Variants in CYP39A1 observed in about 807,000 individuals in gnomAD.
CYP39A1 encodes the protein 24-hydroxycholesterol 7-alpha-hydroxylase.
CYP39A1 carries 49 observed loss-of-function variants against 58.1 expected under a neutral mutation model. The observed-to-expected ratio is 0.84, with a 90% CI of 0.67 to 1.07. The LOEUF is 1.07. Ranked by LOEUF, CYP39A1 falls within the 50% of genes least tolerant of loss-of-function variation. The pLI, the probability that CYP39A1 is intolerant of heterozygous loss-of-function variation, is 0.00. For missense variants in CYP39A1, 531 were observed against 539.4 expected, an observed-to-expected ratio of 0.98 and a Z score of 0.16; for synonymous variants, 209 against 187.6, an observed-to-expected ratio of 1.11 and a Z score of -0.93.
At chr6:46,628,506 A>G (rs776092708) in intron 6 of CYP39A1, among the ~76,000 whole-genome samples, 1 of 152,256 alleles carries the variant, frequency 6.6e-6, no homozygotes, top group Non-Finnish European at 1.5e-5. Context: ...CTTGGAACTT[A>G]GAAATGGTTT....
At chr6:46,573,711 G>A (rs952096562) in intron 10 of CYP39A1, among the ~76,000 whole-genome samples, 1 of 152,136 alleles carries the variant, frequency 6.6e-6, no homozygotes, top group African/African-American at 2.4e-5. Context: ...GCTCAGGAGT[G>A]TATAGAACAT....
At chr6:46,596,766 A>G (rs1371175271) in intron 7 of CYP39A1, among the ~76,000 whole-genome samples, 1 of 152,150 alleles carries the variant, frequency 6.6e-6, no homozygotes, top group Non-Finnish European at 1.5e-5. Context: ...GAAGGGCATC[A>G]ACCATCAACC....
chr6:46,590,606 A>T (rs1363254205), intron 8 of CYP39A1, among the ~76,000 whole-genome samples: 1 of 152,188 alleles, frequency 6.6e-6, no homozygotes, highest in Non-Finnish European at 1.5e-5. Flanking sequence ...TATGATAAAA[A>T]CTTATCTCTA....
At chr6:46,634,327 T>G (rs1264301184) in intron 5 of CYP39A1, among the ~76,000 whole-genome samples, 1 of 152,198 alleles carries the variant, frequency 6.6e-6, no homozygotes, top group African/African-American at 2.4e-5. Context: ...CCCAGCCATG[T>G]GGAACCATTA....
chr6:46,574,374 G>C (rs1226963892), intron 10 of CYP39A1, among the ~76,000 whole-genome samples: 2 of 152,182 alleles, frequency 1.3e-5, no homozygotes, highest in Non-Finnish European at 2.9e-5. Flanking sequence ...GATTGTCTTA[G>C]GGAAGTGTTC....
intron 1 of CYP39A1, among the ~76,000 whole-genome samples, chr6:46,650,913 A>G (rs1211066630): frequency 2.0e-5 from 3 of 152,158 alleles, no homozygotes; most frequent in African/African-American, 7.2e-5. Flanking sequence ...AAAAATTATC[A>G]AGATCATATG....
At chr6:46,640,554 T>G (rs2082574122) in intron 2 of CYP39A1, among the ~76,000 whole-genome samples, 1 of 152,216 alleles carries the variant, frequency 6.6e-6, no homozygotes, top group Non-Finnish European at 1.5e-5. Flanking sequence ...TTTACTCATT[T>G]CTTTATATTT....
At chr6:46,570,132 C>G (rs143636579) in intron 10 of CYP39A1, among the ~76,000 whole-genome samples, 13 of 152,084 alleles carry the variant, frequency 8.5e-5, no homozygotes, top group African/African-American at 2.9e-4. Flanking sequence ...GGTTATCTAA[C>G]TGGTTTTATT....
chr6:46,641,814 C>T (rs73738811), intron 2 of CYP39A1, among the ~76,000 whole-genome samples: 167 of 152,306 alleles, frequency 1.1e-3, no homozygotes, highest in African/African-American at 3.8e-3. Context: ...AGTCCAAGAG[C>T]TGTACCCTGT....
intron 7 of CYP39A1, among the ~76,000 whole-genome samples, chr6:46,598,431 T>A (rs1297871190): frequency 1.3e-5 from 2 of 152,164 alleles, no homozygotes; most frequent in African/African-American, 4.8e-5. Context: ...CATGGCATAA[T>A]CTATGAGTAG....
rs1225259477 is a variant in CYP39A1, at chr6:46,639,425, A to G, written c.488+69T>C. 1.2e-5 allele frequency: 17 copies of G among 1,445,240 alleles called. No individual in the cohort carries two copies. The Admixed American group carries it at 1.5e-4, about 13-fold the overall frequency. The allele number at this position is 1,445,240 out of a possible 1,614,324, so 89.5% of individuals were successfully genotyped here. ...TCAACCTGACAATGTTTGAAGTCCA[A>G]TCTATAGGTTTCAATTTTTTTATTT... On this transcript the variant is annotated intron_variant, in intron 3 of 11. Coordinates refer to ENST00000275016, the MANE Select transcript of CYP39A1 (RefSeq NM_016593.5).
chr6:46,581,083 C>A (rs113722434), intron 10 of CYP39A1, among the ~76,000 whole-genome samples: 3,576 of 152,242 alleles, frequency 0.023, 69 homozygotes, highest in Non-Finnish European at 0.036. Flanking sequence ...ATGAAATCAA[C>A]CTAGATGCCC....
chr6:46,628,388 G>T (rs1775446737), intron 6 of CYP39A1, among the ~76,000 whole-genome samples: 1 of 150,810 alleles, frequency 6.6e-6, no homozygotes, highest in African/African-American at 2.5e-5. Flanking sequence ...GCTACTGAAA[G>T]TATTTAGAAA....
intron 8 of CYP39A1, among the ~76,000 whole-genome samples, chr6:46,589,851 C>T (rs945596470): frequency 2.0e-5 from 3 of 152,050 alleles, no homozygotes; most frequent in Non-Finnish European, 2.9e-5. Context: ...CCCTTCCCAC[C>T]GCAAAGTCCT....
intron 10 of CYP39A1, among the ~76,000 whole-genome samples, chr6:46,561,130 GT>G (rs1333608214): frequency 1.3e-5 from 2 of 152,160 alleles, no homozygotes; most frequent in African/African-American, 4.8e-5. Flanking sequence ...TTAGGAAGTA[GT>G]GACTTCCTAG....
chr6:46,641,199 T>C (rs772986304), intron 2 of CYP39A1, among the ~76,000 whole-genome samples: 1 of 152,106 alleles, frequency 6.6e-6, no homozygotes, highest in Non-Finnish European at 1.5e-5. Flanking sequence ...GGTAACTTAG[T>C]AAATTTTTCT....
At chr6:46,641,594 T>C (rs75337268) in intron 2 of CYP39A1, among the ~76,000 whole-genome samples, 1,728 of 152,166 alleles carry the variant, frequency 0.011, 36 homozygotes, top group African/African-American at 0.039. Context: ...GTACACACAA[T>C]TGCAGCCTAG....
rs1774587644 is a variant in CYP39A1, at chr6:46,616,230, CCCTCCCTCCCTCCCTT to C, written c.931+9172_931+9187del. On this transcript the variant is annotated intron_variant, in intron 7 of 11. Transcript: ENST00000275016. ...TCCCTCCCTCCCTCCCTCCCTCCCT[CCCTCCCTCCCTCCCTT>C]CCTTCCTTCCTTTCTTCCTTCCTTC... is the stretch of plus-strand genomic sequence containing the variant. Among the ~76,000 whole-genome samples, 6 of 33,536 alleles carry C rather than the reference CCCTCCCTCCCTCCCTT, an allele frequency of 1.8e-4. 1 individual carries two copies. Among genetic ancestry groups the C allele is most frequent in the East Asian group, 7.5e-4 (1 of 1,330 alleles). 22.0% of individuals were successfully genotyped at this position (33,536 alleles called of 152,430 possible).
chr6:46,639,715 AAC>A, intron 2 of CYP39A1, 47 bp from the exon 3 acceptor site: 1 of 1,497,244 alleles, frequency 6.7e-7, no homozygotes. Context: ...AACTCCTTGA[AAC>A]ACACAGTCAA....
Sources: allele counts gnomAD v4.1 joint callset (sites outside exome capture counted in the v4.1 genomes callset), GRCh38; gene constraint gnomAD v4.1.1; transcripts MANE v1.5; gene names NCBI Gene and HGNC (gene_info 2026-07-23, HGNC 2026-07-21).